Variants in FKBP5 observed in about 807,000 individuals in gnomAD.
FKBP5 encodes peptidyl-prolyl cis-trans isomerase FKBP5.
In FKBP5, 23 loss-of-function variants were observed where a neutral mutation model predicts 50.5. The observed-to-expected ratio is 0.46, with a 90% CI of 0.33 to 0.65. FKBP5 has a LOEUF of 0.65. Among genes scored for constraint, FKBP5 ranks in the 30% least tolerant of loss-of-function variants. FKBP5 has a pLI of 0.02. For missense variants in FKBP5, 411 were observed against 553.1 expected, an observed-to-expected ratio of 0.74 and a Z score of 2.58; for synonymous variants, 176 against 190.6, an observed-to-expected ratio of 0.92 and a Z score of 0.63.
intron 2 of FKBP5, among the ~76,000 whole-genome samples, chr6:35,717,720 T>G (rs1029903878): frequency 1.3e-5 from 2 of 152,172 alleles, no homozygotes; most frequent in Admixed American, 1.3e-4. Flanking sequence ...CCCGGGTGTT[T>G]GTGAATGAGG....
intron 2 of FKBP5, among the ~76,000 whole-genome samples, chr6:35,697,314 G>A (rs1766097734): frequency 1.3e-5 from 2 of 152,238 alleles, no homozygotes; most frequent in East Asian, 1.9e-4. Context: ...TTGGGAGGCC[G>A]AGGCAGACAG....
chr6:35,704,491 G>T (rs1766245461), intron 2 of FKBP5, among the ~76,000 whole-genome samples: 1 of 152,160 alleles, frequency 6.6e-6, no homozygotes, highest in African/African-American at 2.4e-5. Flanking sequence ...TATCTGGGTG[G>T]CTGGATTTAG....
At chr6:35,594,989 G>A (rs1348035121) in intron 6 of FKBP5, among the ~76,000 whole-genome samples, 3 of 152,110 alleles carry the variant, frequency 2.0e-5, no homozygotes, top group African/African-American at 4.8e-5. Context: ...AAGGTGAGCC[G>A]TCACAATAGC....
At position 35,639,637 on chromosome 6, in the gene FKBP5, A is replaced by C. The variant is rs143680383; in HGVS notation, c.106-2479T>G. On this transcript the variant is annotated intron_variant, in intron 2 of 10. Transcript: ENST00000357266. ...ATGAGTAACTATAGCTACAAGGTTGAGAAGCCTTCTAAAAAAAGACAATAG... is the reference window on the plus strand; with the variant it reads ...ATGAGTAACTATAGCTACAAGGTTGCGAAGCCTTCTAAAAAAAGACAATAG... Among the ~76,000 whole-genome samples, 993 of 152,320 alleles carry C rather than the reference A, an allele frequency of 6.5e-3. 7 individuals carry two copies. Among genetic ancestry groups the C allele is most frequent in the African/African-American group, 0.022 (926 of 41,556 alleles).
chr6:35,723,804 C>T (rs571019455), intron 1 of FKBP5, among the ~76,000 whole-genome samples: 134 of 152,346 alleles, frequency 8.8e-4, no homozygotes, highest in African/African-American at 3.0e-3. Context: ...CAGTGTGGTG[C>T]TGTGGTCCCT....
intron 7 of FKBP5, among the ~76,000 whole-genome samples, chr6:35,587,430 C>T (rs540370973): frequency 6.6e-5 from 10 of 152,298 alleles, no homozygotes; most frequent in African/African-American, 2.4e-4. Flanking sequence ...CAAGGTGAAC[C>T]CACACAAAGT....
chr6:35,612,580 A>T (rs1581814635), intron 5 of FKBP5, among the ~76,000 whole-genome samples: 2 of 152,218 alleles, frequency 1.3e-5, no homozygotes, highest in Non-Finnish European at 2.9e-5. Flanking sequence ...GAGACTGGGT[A>T]ATTTATAAAG....
At chr6:35,615,414 C>T (rs1481046672) in intron 5 of FKBP5, among the ~76,000 whole-genome samples, 2 of 151,712 alleles carry the variant, frequency 1.3e-5, no homozygotes, top group Non-Finnish European at 2.9e-5. Context: ...TTAAGATGAG[C>T]CATGAGTGTC....
intron 1 of FKBP5, among the ~76,000 whole-genome samples, chr6:35,653,468 T>C (rs994929266): frequency 6.6e-6 from 1 of 152,216 alleles, no homozygotes; most frequent in African/African-American, 2.4e-5. Context: ...ACGATACATA[T>C]GATGGCTTTT....
intron 1 of FKBP5, among the ~76,000 whole-genome samples, chr6:35,655,712 C>A (rs1479451474): frequency 6.6e-6 from 1 of 152,180 alleles, no homozygotes; most frequent in East Asian, 1.9e-4. Context: ...AATACCATTA[C>A]AAGCTAAGTA....
chr6:35,589,128 A>ATGT (rs1427010607), intron 7 of FKBP5, among the ~76,000 whole-genome samples: 1 of 121,562 alleles, frequency 8.2e-6, no homozygotes. Context: ...ATATATATAT[A>ATGT]TTTTTTTTTT....
chr6:35,722,455 G>A (rs1361292447), intron 1 of FKBP5, among the ~76,000 whole-genome samples: 3 of 152,208 alleles, frequency 2.0e-5, no homozygotes, highest in Non-Finnish European at 4.4e-5. Context: ...CCCAGGCTCA[G>A]CCCTGAAGCT....
chr6:35,586,830 T>C, intron 8 of FKBP5: 8 of 1,436,142 alleles, frequency 5.6e-6, no homozygotes, highest in Non-Finnish European at 7.3e-6. Flanking sequence ...GCAGAATGTG[T>C]AAAAGAGGAA....
intron 2 of FKBP5, among the ~76,000 whole-genome samples, chr6:35,719,574 C>G (rs868003652): frequency 6.6e-6 from 1 of 152,138 alleles, no homozygotes; most frequent in Non-Finnish European, 1.5e-5. Flanking sequence ...TTAGCCAGCG[C>G]CTGTGAAACA....
At chr6:35,673,805 G>A (rs1765456071) in intron 1 of FKBP5, among the ~76,000 whole-genome samples, 2 of 152,096 alleles carry the variant, frequency 1.3e-5, no homozygotes, top group African/African-American at 4.8e-5. Flanking sequence ...GTGCTTAATA[G>A]TAATAACAGA....
intron 1 of FKBP5, among the ~76,000 whole-genome samples, chr6:35,650,884 C>T (rs1764780593): frequency 6.6e-6 from 1 of 152,142 alleles, no homozygotes; most frequent in African/African-American, 2.4e-5. Flanking sequence ...CACTGGATTA[C>T]AATTATGCAA....
At chr6:35,662,273 T>A (rs1765087413) in intron 1 of FKBP5, among the ~76,000 whole-genome samples, 1 of 93,400 alleles carries the variant, frequency 1.1e-5, no homozygotes, top group Non-Finnish European at 2.2e-5. Context: ...TTTATTTACG[T>A]GTCTTTTTTT....
At chr6:35,700,764 C>A (rs1260242277) in intron 2 of FKBP5, among the ~76,000 whole-genome samples, 1 of 152,054 alleles carries the variant, frequency 6.6e-6, no homozygotes, top group Non-Finnish European at 1.5e-5. Flanking sequence ...TCGAGACCAG[C>A]CTGACCAATA....
At chr6:35,603,629 T>C (rs1172099096) in intron 5 of FKBP5, among the ~76,000 whole-genome samples, 1 of 99,492 alleles carries the variant, frequency 1.0e-5, no homozygotes, top group Non-Finnish European at 2.0e-5. Flanking sequence ...AAATGGCCAA[T>C]TGGCTGGAAT....
Sources: allele counts gnomAD v4.1 joint callset (sites outside exome capture counted in the v4.1 genomes callset), GRCh38; gene constraint gnomAD v4.1.1; transcripts MANE v1.5; gene names NCBI Gene and HGNC (gene_info 2026-07-23, HGNC 2026-07-21).